Variants in RUFY2 observed in about 807,000 individuals in gnomAD.
RUFY2 encodes RUN and FYVE domain containing 2.
In RUFY2, 49 loss-of-function variants were observed where a neutral mutation model predicts 94.4. That is an observed-to-expected ratio of 0.52 (90% CI 0.41 to 0.66). RUFY2 has a LOEUF of 0.66. RUFY2 is among the 30% of genes least tolerant of loss of function. The probability of loss-of-function intolerance (pLI) is 0.00; values close to 1 mark genes in which losing one functional copy is unlikely to be tolerated. For synonymous variants in RUFY2, 255 were observed against 235.7 expected (o/e 1.08, Z -0.75); for missense variants, 541 against 692.8 (o/e 0.78, Z 2.46).
chr10:68,389,269 CAT>C (rs1343219018), intron 7 of RUFY2, among the ~76,000 whole-genome samples: 2 of 152,166 alleles, frequency 1.3e-5, no homozygotes, highest in African/African-American at 4.8e-5. Flanking sequence ...GATTAACACA[CAT>C]GATTTAAACA....
At position 68,401,671 on chromosome 10, in the gene RUFY2, T is replaced by C; in HGVS notation, c.245A>G (p.Tyr82Cys). ...AGCTCCTATTTCCTCTGCTTCGGGG[T>C]ACAGCTTCTCCACCAGTTCCAAAGG... ...WGPLELVEKL[Y>C]PEAEEIGASV... The change falls in exon 3 of 18, where the codon TAC becomes TGC. Residue 82 changes from tyrosine to cysteine, a missense_variant. By Grantham distance (194) the Tyr-to-Cys change is radical (BLOSUM62 -2). Around this residue, in one of 3 missense-constraint regions of RUFY2, gnomAD observed 85 missense variants for 153.4 expected, o/e 0.55. Coordinates refer to ENST00000602465, the MANE Select transcript of RUFY2 (RefSeq NM_001330103.2). The C allele has an allele frequency of 6.2e-7, 1 of 1,614,072 alleles. No homozygotes were observed. The highest frequency in any genetic ancestry group is 8.5e-7 in the Non-Finnish European group (1 of 1,179,948).
At chr10:68,370,220 G>A (rs1440533046) in intron 13 of RUFY2, among the ~76,000 whole-genome samples, 1 of 152,096 alleles carries the variant, frequency 6.6e-6, no homozygotes, top group African/African-American at 2.4e-5. Context: ...GGGAGGCAGA[G>A]GTTGCAGTGA....
Position 68,343,807 on chromosome 10 carries a change from C to T in RUFY2, c.*1961G>A, listed in dbSNP as rs912955407. On this transcript the variant is annotated 3_prime_UTR_variant, in exon 18 of 18. Coordinates refer to ENST00000602465, the MANE Select transcript of RUFY2 (RefSeq NM_001330103.2). ...AGCAAGTTGCTGTCATAAAAGCTGC[C>T]TAAAAAAAAAAAAAAAAAAAAAAAA... 1 of 98,674 alleles carries T rather than the reference C, an allele frequency of 1.0e-5. No individual in the cohort carries two copies. The highest frequency in any genetic ancestry group is 4.0e-5 in the African/African-American group (1 of 25,306). 6.1% of individuals were successfully genotyped at this position (98,674 alleles called of 1,614,324 possible).
At chr10:68,352,824 G>C (rs1430919239) in intron 16 of RUFY2, among the ~76,000 whole-genome samples, 4 of 151,996 alleles carry the variant, frequency 2.6e-5, no homozygotes, top group Admixed American at 6.6e-5. Context: ...GGAGGCTGAG[G>C]CAGGAGGATC....
rs1192421741 is a variant in RUFY2, at chr10:68,345,515, G to A, written c.*253C>T. 9 of 447,686 alleles carry A rather than the reference G, an allele frequency of 2.0e-5. 1 individual carries two copies. Among genetic ancestry groups the A allele is most frequent in the Non-Finnish European group, 3.5e-5 (9 of 255,690 alleles). The allele number at this position is 447,686 out of a possible 1,614,324, so 27.7% of individuals were successfully genotyped here. On this transcript the variant is annotated 3_prime_UTR_variant, in exon 18 of 18. Transcript: ENST00000602465. The stretch of plus-strand genomic sequence containing the variant: ...AGGCCTTTACAAGATAAGGCAAGTT[G>A]TGTTAGCTCTGCTCTCTGGCCTTTT...
intron 7 of RUFY2, among the ~76,000 whole-genome samples, chr10:68,390,212 G>C (rs925783896): frequency 7.9e-5 from 12 of 152,094 alleles, no homozygotes; most frequent in African/African-American, 2.9e-4. Context: ...AGACTTATAT[G>C]AAGTCTTTCC....
chr10:68,348,657 G>A (rs1458548347), intron 16 of RUFY2, among the ~76,000 whole-genome samples: 6 of 152,154 alleles, frequency 3.9e-5, no homozygotes, highest in African/African-American at 9.7e-5. Flanking sequence ...CATCAGGTTC[G>A]GAAACAACCT....
intron 10 of RUFY2, among the ~76,000 whole-genome samples, chr10:68,382,726 A>G (rs959973296): frequency 1.5e-5 from 2 of 134,270 alleles, no homozygotes; most frequent in African/African-American, 3.4e-5. Context: ...AAAAAAAAAA[A>G]AAGAAAAAAA....
In RUFY2 at chr10:68,343,498, A is replaced by T. The variant is rs1420940408; in HGVS notation, c.*2270T>A. The T allele has an allele frequency of 6.6e-6, 1 of 152,586 alleles. No individual in the cohort carries two copies. The highest frequency in any genetic ancestry group is 1.5e-5 in the Non-Finnish European group (1 of 68,018). 9.5% of individuals were successfully genotyped at this position (152,586 alleles called of 1,614,324 possible). ...AGTATACAGTATTAATGAAACCAAAATTGCCCTTTTAAAGCAGGCTAATTT... is the reference window on the plus strand; with the variant it reads ...AGTATACAGTATTAATGAAACCAAATTTGCCCTTTTAAAGCAGGCTAATTT... On this transcript the variant is annotated 3_prime_UTR_variant, in exon 18 of 18. Coordinates refer to ENST00000602465, the MANE Select transcript of RUFY2 (RefSeq NM_001330103.2).
chr10:68,405,491 A>C (rs1049412067), intron 1 of RUFY2: 2 of 968,302 alleles, frequency 2.1e-6, no homozygotes, highest in African/African-American at 3.5e-5. Flanking sequence ...TATGGAGATA[A>C]ATTTGGGGTG....
intron 13 of RUFY2, among the ~76,000 whole-genome samples, chr10:68,369,815 C>T (rs1228076256): frequency 2.0e-5 from 3 of 151,986 alleles, no homozygotes; most frequent in Non-Finnish European, 2.9e-5. Context: ...TCGGTACACC[C>T]CTCTTGCCCT....
At chr10:68,358,320 G>A (rs981485774) in intron 15 of RUFY2, among the ~76,000 whole-genome samples, 5 of 152,110 alleles carry the variant, frequency 3.3e-5, no homozygotes, top group African/African-American at 1.2e-4. Flanking sequence ...TACTGAAGCA[G>A]GACATTAAAA....
intron 1 of RUFY2, 63 bp downstream of exon 1, chr10:68,407,123 C>A: frequency 6.6e-7 from 1 of 1,515,840 alleles, no homozygotes; most frequent in South Asian, 1.2e-5. Flanking sequence ...TCCACCCCGC[C>A]TGGCCGCGGC....
At chr10:68,398,995 AC>A (rs2050611719) in intron 3 of RUFY2, among the ~76,000 whole-genome samples, 3 of 151,982 alleles carry the variant, frequency 2.0e-5, no homozygotes, top group African/African-American at 7.2e-5. Context: ...CACCTGATAT[AC>A]CAAAAATATC....
Position 68,343,808 on chromosome 10 carries a change from T to TTAAAAAAAAAA in RUFY2, c.*1959_*1960insTTTTTTTTTTA, listed in dbSNP as rs1554869876. 2 of 115,682 alleles carry TTAAAAAAAAAA rather than the reference T, an allele frequency of 1.7e-5. No homozygotes were observed. The highest frequency in any genetic ancestry group is 3.3e-5 in the Non-Finnish European group (2 of 60,576). The allele number at this position is 115,682 out of a possible 1,614,324, so 7.2% of individuals were successfully genotyped here. ...GCAAGTTGCTGTCATAAAAGCTGCC[T>TTAAAAAAAAAA]AAAAAAAAAAAAAAAAAAAAAAAAA... On this transcript the variant is annotated 3_prime_UTR_variant, in exon 18 of 18. Transcript: ENST00000602465.
rs563902909 is a variant in RUFY2 at position 68,344,361 on chromosome 10, A to T, written c.*1407T>A. 2 of 152,306 alleles carry T rather than the reference A, an allele frequency of 1.3e-5. No individual in the cohort carries two copies. Among genetic ancestry groups the T allele is most frequent in the South Asian group, 2.1e-4 (1 of 4,828 alleles). 9.4% of individuals were successfully genotyped at this position (152,306 alleles called of 1,614,324 possible). ...AATGCTCTTAATCCATAAATTTTCT[A>T]TGTATTTTTTATAGGCTCACAAACT... On this transcript the variant is annotated 3_prime_UTR_variant, in exon 18 of 18. Coordinates refer to ENST00000602465, the MANE Select transcript of RUFY2 (RefSeq NM_001330103.2).
At chr10:68,346,305 T>C (rs2046269604) in intron 16 of RUFY2, 2 of 446,178 alleles carry the variant, frequency 4.5e-6, no homozygotes, top group Non-Finnish European at 7.9e-6. Flanking sequence ...AAAACAAGAT[T>C]GCAGCCAGGC....
At chr10:68,399,046 A>G (rs1159309894) in intron 3 of RUFY2, among the ~76,000 whole-genome samples, 1 of 148,962 alleles carries the variant, frequency 6.7e-6, no homozygotes, top group Admixed American at 6.7e-5. Context: ...TTTTTTTCCA[A>G]TTTTTTTTGG....
At chr10:68,341,128 T>G, downstream of RUFY2, 2 of 1,376,470 alleles carry the variant, frequency 1.5e-6, no homozygotes, top group Non-Finnish European at 2.0e-6. Flanking sequence ...GTAATTTACT[T>G]TAATATTCTC....
Sources: gnomAD v4.1 joint callset for allele counts (sites outside exome capture counted in the v4.1 genomes callset) on GRCh38, gnomAD v4.1.1 for gene constraint, gnomAD v4.1.1 regional missense constraint, MANE v1.5 for transcripts, NCBI Gene and HGNC (gene_info 2026-07-23, HGNC 2026-07-21) for gene names.